RPH3A: variants seen among roughly 807,000 people sequenced by gnomAD.
RPH3A encodes rabphilin 3A.
A neutral mutation model predicts 102.2 loss-of-function variants in RPH3A; 48 were observed. That is an observed-to-expected ratio of 0.47 (90% CI 0.37 to 0.60). RPH3A has a LOEUF of 0.60. Among genes scored for constraint, RPH3A ranks in the 20% least tolerant of loss-of-function variants. The pLI, the probability that RPH3A is intolerant of heterozygous loss-of-function variation, is 0.00. For synonymous variants in RPH3A, 310 were observed against 324.3 expected (o/e 0.96, Z 0.47); for missense variants, 781 against 910.1 (o/e 0.86, Z 1.83).
chr12:112,890,208 C>T (rs891250884), intron 18 of RPH3A, 128 bp downstream of exon 18: 7 of 822,692 alleles, frequency 8.5e-6, no homozygotes, highest in Admixed American at 2.0e-5. Context: ...TGTTGATTTG[C>T]CTTGAGAACA....
chr12:112,739,587 C>A (rs1156519885), intron 1 of RPH3A, among the ~76,000 whole-genome samples: 2 of 152,170 alleles, frequency 1.3e-5, no homozygotes, highest in Non-Finnish European at 2.9e-5. Context: ...TACATTCTTC[C>A]ATGAAAGGAG....
intron 1 of RPH3A, among the ~76,000 whole-genome samples, chr12:112,775,805 G>A (rs1225857684): frequency 1.3e-5 from 2 of 152,178 alleles, no homozygotes; most frequent in African/African-American, 4.8e-5. Context: ...GGGAAATCCA[G>A]CTATAGCTAA....
chr12:112,869,738 A>G (rs1295414280), intron 8 of RPH3A, 21 bp from the exon 9 acceptor site: 3 of 1,613,800 alleles, frequency 1.9e-6, no homozygotes, highest in East Asian at 2.2e-5. Flanking sequence ...ACTCCTCATA[A>G]TTTGTGTTTT....
At chr12:112,774,438 G>C (rs2040950257) in intron 1 of RPH3A, among the ~76,000 whole-genome samples, 1 of 152,208 alleles carries the variant, frequency 6.6e-6, no homozygotes. Context: ...GCACTAGATT[G>C]AGAGTCTGGA....
intron 1 of RPH3A, among the ~76,000 whole-genome samples, chr12:112,755,968 G>A (rs376861084): frequency 6.6e-6 from 1 of 152,136 alleles, no homozygotes; most frequent in African/African-American, 2.4e-5. Context: ...GGTACATGGG[G>A]TAGAGAGTCA....
intron 1 of RPH3A, among the ~76,000 whole-genome samples, chr12:112,726,362 G>A (rs568206821): frequency 3.0e-4 from 46 of 152,180 alleles, no homozygotes; most frequent in African/African-American, 8.7e-4. Context: ...TGATCTGTCC[G>A]CCTCAGCCTC....
chr12:112,599,111 C>T (rs1023161566), intron 1 of RPH3A, among the ~76,000 whole-genome samples: 1 of 152,168 alleles, frequency 6.6e-6, no homozygotes, highest in South Asian at 2.1e-4. Context: ...GCTGCATAGG[C>T]TTTGACATAT....
At chr12:112,815,194 C>T (rs558181041) in intron 2 of RPH3A, among the ~76,000 whole-genome samples, 1 of 152,262 alleles carries the variant, frequency 6.6e-6, no homozygotes, top group Admixed American at 6.5e-5. Context: ...GGTCAGCCTC[C>T]CAGGGCACAG....
At chr12:112,614,688 CAAAAA>C (rs35810360) in intron 1 of RPH3A, among the ~76,000 whole-genome samples, 64 of 27,152 alleles carry the variant, frequency 2.4e-3, no homozygotes, top group Non-Finnish European at 2.0e-3. Flanking sequence ...GACCCTGCCT[CAAAAA>C]AAAAAAAAAA....
At chr12:112,757,844 T>C (rs1320346622) in intron 1 of RPH3A, among the ~76,000 whole-genome samples, 1 of 152,174 alleles carries the variant, frequency 6.6e-6, no homozygotes, top group East Asian at 1.9e-4. Context: ...GGCTCTCACC[T>C]GGATGGAAGG....
At chr12:112,804,544 C>T (rs946634964) in intron 2 of RPH3A, among the ~76,000 whole-genome samples, 1 of 152,224 alleles carries the variant, frequency 6.6e-6, no homozygotes, top group Admixed American at 6.5e-5. Flanking sequence ...TGTATGTGTG[C>T]ACCAGGCAGG....
At chr12:112,735,298 C>T (rs1015755737) in intron 1 of RPH3A, among the ~76,000 whole-genome samples, 1 of 152,134 alleles carries the variant, frequency 6.6e-6, no homozygotes, top group African/African-American at 2.4e-5. Flanking sequence ...CCACTGGGAC[C>T]CTAAAGCACT....
chr12:112,831,508 T>C (rs1224592727), intron 3 of RPH3A, among the ~76,000 whole-genome samples: 1 of 152,128 alleles, frequency 6.6e-6, no homozygotes, highest in East Asian at 1.9e-4. Context: ...GTATCTTAGT[T>C]TAATCCTTTA....
At chr12:112,796,910 TGTG>T (rs1375673686) in intron 2 of RPH3A, among the ~76,000 whole-genome samples, 2 of 152,024 alleles carry the variant, frequency 1.3e-5, no homozygotes, top group Admixed American at 1.3e-4. Flanking sequence ...ATTAGCTTGG[TGTG>T]GTGGTGTGTG....
intron 1 of RPH3A, among the ~76,000 whole-genome samples, chr12:112,669,466 T>C (rs548093825): frequency 6.6e-6 from 1 of 152,344 alleles, no homozygotes; most frequent in African/African-American, 2.4e-5. Context: ...TGGCCATGAA[T>C]GCTTAAAAGT....
At chr12:112,666,008 C>G (rs1188383551) in intron 1 of RPH3A, among the ~76,000 whole-genome samples, 2 of 152,162 alleles carry the variant, frequency 1.3e-5, no homozygotes, top group Non-Finnish European at 2.9e-5. Context: ...TCAGGTGAAT[C>G]TAAGTGAACT....
chr12:112,648,570 C>CAAAAAAAAAAAAAAAAA (rs1167121829), intron 1 of RPH3A, among the ~76,000 whole-genome samples: 303 of 11,044 alleles, frequency 0.027, 138 homozygotes, highest in Non-Finnish European at 0.032. Context: ...CCCATCTCTA[C>CAAAAAAAAAAAAAAAAA]AAAAAAAAAA....
intron 17 of RPH3A, among the ~76,000 whole-genome samples, chr12:112,889,600 G>A (rs913555310): frequency 1.3e-5 from 2 of 152,190 alleles, no homozygotes; most frequent in Admixed American, 1.3e-4. Flanking sequence ...CTAGAGTTCA[G>A]CAAAAGGGCC....
At chr12:112,852,569 TTAGTC>T (rs1258479654) in intron 5 of RPH3A, among the ~76,000 whole-genome samples, 2 of 152,204 alleles carry the variant, frequency 1.3e-5, no homozygotes, top group African/African-American at 4.8e-5. Context: ...ATAGCTCTTC[TTAGTC>T]TAAATTCCAA....
Sources: allele counts gnomAD v4.1 joint callset (sites outside exome capture counted in the v4.1 genomes callset), GRCh38; gene constraint gnomAD v4.1.1; transcripts MANE v1.5; gene names NCBI Gene and HGNC (gene_info 2026-07-23, HGNC 2026-07-21).